Variants in H3-3B observed in about 807,000 individuals in gnomAD.
The protein encoded by H3-3B is histone H3.3.
Under a neutral mutation model 13.1 loss-of-function variants are expected in H3-3B, and 2 were observed. That is an observed-to-expected ratio of 0.15 (90% CI 0.06 to 0.48). The LOEUF is 0.48. Among genes scored for constraint, H3-3B ranks in the 20% least tolerant of loss-of-function variants. The pLI, the probability that H3-3B is intolerant of heterozygous loss-of-function variation, is 0.97. For synonymous variants in H3-3B, 133 were observed against 75.8 expected (o/e 1.76, Z -3.92); for missense variants, 39 against 186.0 (o/e 0.21, Z 4.60).
rs749853770 is a variant in H3-3B, at chr17:75,778,670, G to A, written c.336C>T (p.Ala112=). The A allele has an allele frequency of 6.6e-5, 107 of 1,614,068 alleles. No individual in the cohort carries two copies. Among genetic ancestry groups the A allele is most frequent in the South Asian group, 2.0e-4 (18 of 91,084 alleles). ...TGATGGTGACTCTCTTAGCGTGGAT[G>A]GCACACAGGTTGGTATCTTCGAACA... The part of the protein sequence containing the change: ...VGLFEDTNLC[A]IHAKRVTIMP... The change falls in exon 4 of 4, where the codon GCC becomes GCT. Residue 112 remains alanine, a synonymous_variant. Coordinates refer to ENST00000254810, the MANE Select transcript of H3-3B (RefSeq NM_005324.5).
rs1008973830 is a variant in H3-3B at position 75,778,431 on chromosome 17, T to G, written c.*164A>C. 7.5e-6 allele frequency: 7 copies of G among 937,386 alleles called. No homozygotes were observed. Among genetic ancestry groups the G allele is most frequent in the Non-Finnish European group, 1.1e-5 (7 of 626,670 alleles). The allele number at this position is 937,386 out of a possible 1,614,324, so 58.1% of individuals were successfully genotyped here. ...TCCTGAGCAACAGTGCTCACATCAC[T>G]GAGGTCTGTGAACAGTCACTTTTCG... is the stretch of plus-strand genomic sequence containing the variant. On this transcript the variant is annotated 3_prime_UTR_variant, in exon 4 of 4. Coordinates refer to ENST00000254810, the MANE Select transcript of H3-3B (RefSeq NM_005324.5).
chr17:75,778,441 G>T lies in H3-3B; in HGVS notation c.*154C>A, dbSNP rs2410864. On this transcript the variant is annotated 3_prime_UTR_variant, in exon 4 of 4. Transcript: ENST00000254810. ...CAGTGCTCACATCACTGAGGTCTGT[G>T]AACAGTCACTTTTCGCATTCATCCT... 3 of 1,074,522 alleles carry T rather than the reference G, an allele frequency of 2.8e-6. No homozygotes were observed. The highest frequency in any genetic ancestry group is 1.6e-5 in the South Asian group (1 of 64,206). 66.6% of individuals were successfully genotyped at this position (1,074,522 alleles called of 1,614,324 possible). A position where few individuals can be genotyped will look rare whatever the true frequency, so the allele number is the denominator to read the frequency against.
chr17:75,778,879 C>T lies in H3-3B; in HGVS notation c.213G>A (p.Leu71=). The change falls in exon 3 of 4, where the codon TTG becomes TTA. Residue 71 remains leucine, a synonymous_variant. Coordinates refer to ENST00000254810, the MANE Select transcript of H3-3B (RefSeq NM_005324.5). ...LLIRKLPFQR[L]VREIAQDFKT... ...TGAAATCCTGCGCGATCTCCCTCAC[C>T]AACCTCTGGAAGGGCAGCTTCCGGA... 2 of 1,614,190 alleles carry T rather than the reference C, an allele frequency of 1.2e-6. No homozygotes were observed. Among genetic ancestry groups the T allele is most frequent in the Non-Finnish European group, 1.7e-6 (2 of 1,180,038 alleles).
Position 75,778,321 on chromosome 17 carries a change from C to T in H3-3B, c.*274G>A, listed in dbSNP as rs1263471979. On this transcript the variant is annotated 3_prime_UTR_variant, in exon 4 of 4. Coordinates refer to ENST00000254810, the MANE Select transcript of H3-3B (RefSeq NM_005324.5). The stretch of plus-strand genomic sequence containing the variant: ...TCAACTCTAGTACCTTAATAGCTAC[C>T]CAACAAGTCATTAACATACAGAAAC... The T allele has an allele frequency of 4.5e-6, 2 of 442,868 alleles. No homozygotes were observed. Among genetic ancestry groups the T allele is most frequent in the East Asian group, 4.3e-5 (1 of 23,072 alleles). The allele number at this position is 442,868 out of a possible 1,614,324, so 27.4% of individuals were successfully genotyped here. A position where few individuals can be genotyped will look rare whatever the true frequency, so the allele number is the denominator to read the frequency against.
chr17:75,776,900 G>A lies in H3-3B; in HGVS notation c.*1695C>T, dbSNP rs1436878005. 2 of 152,214 alleles carry A rather than the reference G, an allele frequency of 1.3e-5. No individual in the cohort carries two copies. The highest frequency in any genetic ancestry group is 2.9e-5 in the Non-Finnish European group (2 of 68,050). 9.4% of individuals were successfully genotyped at this position (152,214 alleles called of 1,614,324 possible). ...AGCTGATTATGAACTTTCTAGAAAA[G>A]CGGGTCATTATATTGCATCCTTTCA... is the stretch of plus-strand genomic sequence containing the variant. On this transcript the variant is annotated 3_prime_UTR_variant, in exon 4 of 4. Transcript: ENST00000254810.
Position 75,777,385 on chromosome 17 carries a change from C to T in H3-3B, c.*1210G>A, listed in dbSNP as rs1398218688. 1 of 152,586 alleles carries T rather than the reference C, an allele frequency of 6.6e-6. No homozygotes were observed. The highest frequency in any genetic ancestry group is 1.5e-5 in the Non-Finnish European group (1 of 68,012). The allele number at this position is 152,586 out of a possible 1,614,324, so 9.5% of individuals were successfully genotyped here. Reference sequence around the variant, plus strand: ...CACCTGAAATGATCTAAGTTCAAAACATTAGTATACAAGGACCTAGATAAT... The same window carrying T: ...CACCTGAAATGATCTAAGTTCAAAATATTAGTATACAAGGACCTAGATAAT... On this transcript the variant is annotated 3_prime_UTR_variant, in exon 4 of 4. Coordinates refer to ENST00000254810, the MANE Select transcript of H3-3B (RefSeq NM_005324.5).
intron 1 of H3-3B, 37 bp from the exon 2 acceptor site, chr17:75,779,221 C>A (rs777166812): frequency 2.1e-6 from 3 of 1,452,374 alleles, no homozygotes; most frequent in African/African-American, 2.9e-5. Flanking sequence ...CCGCCGCGCT[C>A]ACCCGGGCCG....
chr17:75,777,007 T>G lies in H3-3B; in HGVS notation c.*1588A>C, dbSNP rs1396818984. The stretch of plus-strand genomic sequence containing the variant: ...CACATTTGAAACTAACCCAAACTTT[T>G]GAGAAAGCAATTTTAATGGGGTATA... On this transcript the variant is annotated 3_prime_UTR_variant, in exon 4 of 4. Coordinates refer to ENST00000254810, the MANE Select transcript of H3-3B (RefSeq NM_005324.5). 1 of 152,222 alleles carries G rather than the reference T, an allele frequency of 6.6e-6. No homozygotes were observed. Among genetic ancestry groups the G allele is most frequent in the Non-Finnish European group, 1.5e-5 (1 of 68,046 alleles). The allele number at this position is 152,222 out of a possible 1,614,324, so 9.4% of individuals were successfully genotyped here.
intron 1 of H3-3B, 187 bp from the exon 2 acceptor site, chr17:75,779,371 G>T: frequency 2.0e-6 from 1 of 510,386 alleles, no homozygotes; most frequent in Non-Finnish European, 3.0e-6. Context: ...GCTGCGAGGA[G>T]CGGCAGCCTC....
Position 75,778,545 on chromosome 17 carries a change from CA to C in H3-3B, c.*49del, listed in dbSNP as rs775393952. On this transcript the variant is annotated 3_prime_UTR_variant, in exon 4 of 4. Coordinates refer to ENST00000254810, the MANE Select transcript of H3-3B (RefSeq NM_005324.5). The stretch of plus-strand genomic sequence containing the variant: ...TTACAAAAAAAGTCACAAATTAAAC[CA>C]AAGTATTTTACAGAATTTACTACAA... 15 of 1,573,310 alleles carry C rather than the reference CA, an allele frequency of 9.5e-6. No homozygotes were observed. The African/African-American group carries it at 1.9e-4, about 20-fold the overall frequency.
In H3-3B at chr17:75,778,061, A is replaced by G. The variant is rs1010131420; in HGVS notation, c.*534T>C. 6.5e-6 allele frequency: 1 copy of G among 152,790 alleles called. No homozygotes were observed. The allele number at this position is 152,790 out of a possible 1,614,324, so 9.5% of individuals were successfully genotyped here. A position where few individuals can be genotyped will look rare whatever the true frequency, so the allele number is the denominator to read the frequency against. On this transcript the variant is annotated 3_prime_UTR_variant, in exon 4 of 4. Coordinates refer to ENST00000254810, the MANE Select transcript of H3-3B (RefSeq NM_005324.5). ...TTTAATTTAAAAATGTTGATACTAC[A>G]ATATATAAAATAGCTATTATAAATG...
intron 1 of H3-3B, 52 bp from the exon 2 acceptor site, chr17:75,779,236 C>G (rs922603096): frequency 5.6e-5 from 80 of 1,424,732 alleles, no homozygotes; most frequent in Non-Finnish European, 7.1e-5. Flanking sequence ...GGGCCGCCCC[C>G]CAGGGCTGCG....
rs188384328 is a variant in H3-3B at position 75,777,635 on chromosome 17, T to A, written c.*960A>T. 21 of 151,978 alleles carry A rather than the reference T, an allele frequency of 1.4e-4. No individual in the cohort carries two copies. Among genetic ancestry groups the A allele is most frequent in the Non-Finnish European group, 2.9e-4 (20 of 67,996 alleles). The allele number at this position is 151,978 out of a possible 1,614,324, so 9.4% of individuals were successfully genotyped here. ...TTGGCAGAGGTTCAGTGGGCTGGAG[T>A]TTTGTGCTCCTCCCCCACACCAAGT... is the stretch of plus-strand genomic sequence containing the variant. On this transcript the variant is annotated 3_prime_UTR_variant, in exon 4 of 4. Transcript: ENST00000254810.
In H3-3B at chr17:75,779,212, C is replaced by A; in HGVS notation, c.-10-28G>T. ...AAGAAAGACGCCCCGAAGATAAGGC[C>A]GCCGCGCTCACCCGGGCCGCCCCCC... On this transcript the variant is annotated intron_variant, in intron 1 of 3. Coordinates refer to ENST00000254810, the MANE Select transcript of H3-3B (RefSeq NM_005324.5). 3 of 1,456,512 alleles carry A rather than the reference C, an allele frequency of 2.1e-6. No homozygotes were observed. In the East Asian group the frequency reaches 7.7e-5, roughly 38 times the overall value. 90.2% of individuals were successfully genotyped at this position (1,456,512 alleles called of 1,614,324 possible). A position where few individuals can be genotyped will look rare whatever the true frequency, so the allele number is the denominator to read the frequency against.
chr17:75,779,357 T>A, intron 1 of H3-3B, 173 bp from the exon 2 acceptor site: 4 of 561,596 alleles, frequency 7.1e-6, no homozygotes, highest in Non-Finnish European at 1.1e-5. Flanking sequence ...CCCTAATGAC[T>A]CAGGCTGCGA....
At position 75,776,853 on chromosome 17, in the gene H3-3B, G is replaced by A. The variant is rs539366979; in HGVS notation, c.*1742C>T. ...TAATCTCATTCTGAAGCACAGTGAG[G>A]AATCAAGTGTGCTTGTTCCAGAGCT... On this transcript the variant is annotated 3_prime_UTR_variant, in exon 4 of 4. Coordinates refer to ENST00000254810, the MANE Select transcript of H3-3B (RefSeq NM_005324.5). 6.6e-5 allele frequency: 10 copies of A among 152,310 alleles called. No homozygotes were observed. In the South Asian group the frequency reaches 1.7e-3, roughly 25 times the overall value. The allele number at this position is 152,310 out of a possible 1,614,324, so 9.4% of individuals were successfully genotyped here. A position where few individuals can be genotyped will look rare whatever the true frequency, so the allele number is the denominator to read the frequency against.
rs1415742192 is a variant in H3-3B at position 75,776,939 on chromosome 17, T to C, written c.*1656A>G. 1 of 152,246 alleles carries C rather than the reference T, an allele frequency of 6.6e-6. No individual in the cohort carries two copies. The highest frequency in any genetic ancestry group is 2.4e-5 in the African/African-American group (1 of 41,458). 9.4% of individuals were successfully genotyped at this position (152,246 alleles called of 1,614,324 possible). On this transcript the variant is annotated 3_prime_UTR_variant, in exon 4 of 4. Coordinates refer to ENST00000254810, the MANE Select transcript of H3-3B (RefSeq NM_005324.5). ...TGCATCCTTTCATAGGAGCTCATTA[T>C]CACGACCTGAAAGATACCTACTTTA... is the stretch of plus-strand genomic sequence containing the variant.
chr17:75,778,434 G>T lies in H3-3B; in HGVS notation c.*161C>A. On this transcript the variant is annotated 3_prime_UTR_variant, in exon 4 of 4. Coordinates refer to ENST00000254810, the MANE Select transcript of H3-3B (RefSeq NM_005324.5). Reference sequence around the variant, plus strand: ...TGAGCAACAGTGCTCACATCACTGAGGTCTGTGAACAGTCACTTTTCGCAT... The same window carrying T: ...TGAGCAACAGTGCTCACATCACTGATGTCTGTGAACAGTCACTTTTCGCAT... 3 of 961,974 alleles carry T rather than the reference G, an allele frequency of 3.1e-6. No individual in the cohort carries two copies. Among genetic ancestry groups the T allele is most frequent in the Non-Finnish European group, 4.6e-6 (3 of 647,002 alleles). The allele number at this position is 961,974 out of a possible 1,614,324, so 59.6% of individuals were successfully genotyped here.
rs1030046870 is a variant in H3-3B at position 75,777,612 on chromosome 17, G to A, written c.*983C>T. ...AACCTAACCCAACACCATCTTAATT[G>A]GCAGAGGTTCAGTGGGCTGGAGTTT... On this transcript the variant is annotated 3_prime_UTR_variant, in exon 4 of 4. Transcript: ENST00000254810. 5.2e-5 allele frequency: 8 copies of A among 152,486 alleles called. No individual in the cohort carries two copies. Among genetic ancestry groups the A allele is most frequent in the Non-Finnish European group, 8.8e-5 (6 of 68,034 alleles). The allele number at this position is 152,486 out of a possible 1,614,324, so 9.4% of individuals were successfully genotyped here. A position where few individuals can be genotyped will look rare whatever the true frequency, so the allele number is the denominator to read the frequency against.
Sources: gnomAD v4.1 joint callset for allele counts on GRCh38, gnomAD v4.1.1 for gene constraint, MANE v1.5 for transcripts, NCBI Gene and HGNC (gene_info 2026-07-23, HGNC 2026-07-21) for gene names.